The following PITPNC1 variants were observed in gnomAD, a reference collection of about 807,000 sequenced individuals.
PITPNC1 encodes the protein phosphatidylinositol transfer protein cytoplasmic 1, also known as cytoplasmic phosphatidylinositol transfer protein 1.
PITPNC1 carries 18 observed loss-of-function variants against 44.7 expected under a neutral mutation model. The ratio of observed to expected loss-of-function variants is 0.40; its 90% CI spans 0.28 to 0.60. The LOEUF (loss-of-function observed/expected upper bound fraction) is 0.60, where lower values mean the gene tolerates loss of function less well. Ranked by LOEUF, PITPNC1 falls within the 20% of genes least tolerant of loss-of-function variation. The probability of loss-of-function intolerance (pLI) is 0.39; values close to 1 mark genes in which losing one functional copy is unlikely to be tolerated. For synonymous variants in PITPNC1, 141 were observed against 149.6 expected (o/e 0.94, Z 0.42); for missense variants, 290 against 418.4 (o/e 0.69, Z 2.68).
chr17:67,605,794 T>A (rs898888635), intron 5 of PITPNC1, among the ~76,000 whole-genome samples: 1 of 152,214 alleles, frequency 6.6e-6, no homozygotes, highest in Non-Finnish European at 1.5e-5. Flanking sequence ...TAAACACTTG[T>A]GGAGCTCCTT....
chr17:67,441,104 G>C (rs912546060), intron 1 of PITPNC1, among the ~76,000 whole-genome samples: 4 of 151,998 alleles, frequency 2.6e-5, no homozygotes, highest in Non-Finnish European at 5.9e-5. Flanking sequence ...CCTGTGCTTT[G>C]AACACTCAAA....
intron 1 of PITPNC1, among the ~76,000 whole-genome samples, chr17:67,404,359 T>C (rs946054467): frequency 1.3e-5 from 2 of 152,246 alleles, no homozygotes; most frequent in African/African-American, 2.4e-5. Flanking sequence ...TTATAAATCT[T>C]GAGGGAAACC....
chr17:67,688,759 T>C (rs1282511929), intron 8 of PITPNC1, among the ~76,000 whole-genome samples: 1 of 152,164 alleles, frequency 6.6e-6, no homozygotes, highest in Non-Finnish European at 1.5e-5. Context: ...AGCCATTCAC[T>C]ATAAATATGA....
At chr17:67,549,798 T>C (rs2040734306) in intron 2 of PITPNC1, among the ~76,000 whole-genome samples, 1 of 152,136 alleles carries the variant, frequency 6.6e-6, no homozygotes. Context: ...GGGGCTTTAA[T>C]ACCGTAGGGA....
intron 1 of PITPNC1, among the ~76,000 whole-genome samples, chr17:67,455,947 T>C (rs908203766): frequency 2.6e-5 from 4 of 152,172 alleles, no homozygotes; most frequent in Non-Finnish European, 4.4e-5. Context: ...CATGTACAGA[T>C]AATAATGAAA....
intron 4 of PITPNC1, among the ~76,000 whole-genome samples, chr17:67,555,347 T>C (rs2040821548): frequency 1.3e-5 from 2 of 152,202 alleles, no homozygotes; most frequent in South Asian, 4.1e-4. Flanking sequence ...TTAGATAGTA[T>C]GTAAACAAAT....
chr17:67,469,748 A>G (rs779308265), intron 1 of PITPNC1, among the ~76,000 whole-genome samples: 8 of 152,144 alleles, frequency 5.3e-5, no homozygotes, highest in Non-Finnish European at 1.0e-4. Context: ...GGGACCTAGA[A>G]AGGGCATCAG....
At chr17:67,646,984 G>T (rs931844627) in intron 6 of PITPNC1, among the ~76,000 whole-genome samples, 4 of 152,160 alleles carry the variant, frequency 2.6e-5, no homozygotes, top group Non-Finnish European at 5.9e-5. Flanking sequence ...TTCAGGTAAA[G>T]CTAGACGTAC....
At chr17:67,473,168 G>T (rs979578184) in intron 1 of PITPNC1, among the ~76,000 whole-genome samples, 3 of 150,894 alleles carry the variant, frequency 2.0e-5, no homozygotes, top group Non-Finnish European at 4.4e-5. Flanking sequence ...GAGCCACCGT[G>T]CCCGGCCAAT....
At chr17:67,386,870 ATCTT>A (rs1567970782) in intron 1 of PITPNC1, among the ~76,000 whole-genome samples, 2 of 152,158 alleles carry the variant, frequency 1.3e-5, no homozygotes, top group Non-Finnish European at 2.9e-5. Context: ...GGTTTTATGT[ATCTT>A]TAACAAATTC....
chr17:67,383,509 A>G (rs1567969372), intron 1 of PITPNC1, among the ~76,000 whole-genome samples: 1 of 152,138 alleles, frequency 6.6e-6, no homozygotes, highest in Non-Finnish European at 1.5e-5. Flanking sequence ...CACATAGGGT[A>G]GCCCCATTGG....
intron 1 of PITPNC1, among the ~76,000 whole-genome samples, chr17:67,392,409 A>G (rs1322156132): frequency 7.2e-5 from 11 of 152,162 alleles, no homozygotes; most frequent in Non-Finnish European, 1.5e-5. Flanking sequence ...CATGTGGACT[A>G]AAATAATTTT....
intron 1 of PITPNC1, among the ~76,000 whole-genome samples, chr17:67,464,381 G>C (rs894419094): frequency 1.3e-5 from 2 of 152,100 alleles, no homozygotes; most frequent in Non-Finnish European, 2.9e-5. Flanking sequence ...GGCTTTCTCA[G>C]AACGTCCTGC....
intron 2 of PITPNC1, among the ~76,000 whole-genome samples, chr17:67,540,132 C>T (rs1031492802): frequency 1.3e-5 from 2 of 151,044 alleles, no homozygotes; most frequent in Admixed American, 6.6e-5. Flanking sequence ...GAGATGGAGT[C>T]TTGCTCTGTC....
intron 4 of PITPNC1, among the ~76,000 whole-genome samples, chr17:67,577,789 T>C (rs1322622319): frequency 6.6e-6 from 1 of 152,234 alleles, no homozygotes; most frequent in Non-Finnish European, 1.5e-5. Context: ...AGCATTTATA[T>C]AAAGATTAAG....
intron 5 of PITPNC1, among the ~76,000 whole-genome samples, chr17:67,592,652 T>C (rs966529137): frequency 1.3e-5 from 2 of 152,362 alleles, no homozygotes; most frequent in African/African-American, 4.8e-5. Flanking sequence ...GTGAATTTGA[T>C]ACATAATAGA....
intron 2 of PITPNC1, among the ~76,000 whole-genome samples, chr17:67,543,869 A>C (rs1162578971): frequency 6.6e-6 from 1 of 152,118 alleles, no homozygotes; most frequent in African/African-American, 2.4e-5. Flanking sequence ...TTGGGTAATT[A>C]AGAGGGAATC....
chr17:67,413,638 T>G (rs1033952121), intron 1 of PITPNC1, among the ~76,000 whole-genome samples: 17 of 152,122 alleles, frequency 1.1e-4, no homozygotes, highest in African/African-American at 3.6e-4. Context: ...ATGAGGAGTT[T>G]GATGCATGCT....
At chr17:67,594,898 A>AC (rs1327246857) in intron 5 of PITPNC1, among the ~76,000 whole-genome samples, 6 of 152,218 alleles carry the variant, frequency 3.9e-5, no homozygotes, top group Non-Finnish European at 7.3e-5. Flanking sequence ...TAAGCCTGAA[A>AC]AGTGCACAGA....
Sources: allele counts gnomAD v4.1 joint callset (sites outside exome capture counted in the v4.1 genomes callset), GRCh38; gene constraint gnomAD v4.1.1; transcripts MANE v1.5; gene names NCBI Gene and HGNC (gene_info 2026-07-23, HGNC 2026-07-21).